Variants in DNAJC1 observed in about 807,000 individuals in gnomAD.
The protein encoded by DNAJC1 is DnaJ heat shock protein family (Hsp40) member C1, also known as dnaJ homolog subfamily C member 1.
DNAJC1 carries 58 observed loss-of-function variants against 76.6 expected under a neutral mutation model. That is an observed-to-expected ratio of 0.76 (90% CI 0.61 to 0.94). The LOEUF (loss-of-function observed/expected upper bound fraction) is 0.94, where lower values mean the gene tolerates loss of function less well. DNAJC1 is among the 40% of genes least tolerant of loss of function. The probability of loss-of-function intolerance (pLI) is 0.00; values close to 1 mark genes in which losing one functional copy is unlikely to be tolerated. For synonymous variants in DNAJC1, 258 were observed against 267.9 expected (o/e 0.96, Z 0.36); for missense variants, 689 against 677.3 (o/e 1.02, Z -0.19).
Position 21,928,507 on chromosome 10 carries a change from T to C in DNAJC1, c.370A>G (p.Arg124Gly). ...EVLKDDERRQ[R>G]YDDILINGLP... is the part of the protein sequence containing the mutation. Reference sequence around the variant, plus strand: ...TCAAAAGCAGAAATGAACACTCACCTCTGCCTTCGTTCATCATCCTTTAAA... The same window carrying C: ...TCAAAAGCAGAAATGAACACTCACCCCTGCCTTCGTTCATCATCCTTTAAA... The change falls in exon 3 of 12, where the codon AGG becomes GGG. Residue 124 changes from arginine to glycine, a missense_variant and splice_region_variant. Physicochemically the swap from Arg to Gly is moderately radical, Grantham distance 125 (BLOSUM62 -2). Coordinates refer to ENST00000376980, the MANE Select transcript of DNAJC1 (RefSeq NM_022365.4). 6.2e-7 allele frequency: 1 copy of C among 1,612,906 alleles called. No homozygotes were observed.
chr10:21,994,664 G>T (rs868162450), intron 1 of DNAJC1, among the ~76,000 whole-genome samples: 1 of 151,904 alleles, frequency 6.6e-6, no homozygotes, highest in African/African-American at 2.4e-5. Context: ...GGTGGCGGGC[G>T]CCTGTAGTCC....
rs80132054 is a variant in DNAJC1, at chr10:21,848,975, G to C, written c.978+33307C>G. ...AAAATGTATGAATACAGTGAAAGCA[G>C]TGTTTGAAGGTAATCTTATAATAGT... On this transcript the variant is annotated intron_variant, in intron 8 of 11. Transcript: ENST00000376980. 8.6e-3 allele frequency among the ~76,000 whole-genome samples: 1,316 copies of C among 152,244 alleles called. 19 individuals carry two copies. The highest frequency in any genetic ancestry group is 0.03 in the African/African-American group (1,242 of 41,546).
intron 7 of DNAJC1, among the ~76,000 whole-genome samples, chr10:21,887,396 T>A (rs950240975): frequency 2.0e-5 from 3 of 152,112 alleles, no homozygotes; most frequent in Non-Finnish European, 2.9e-5. Flanking sequence ...TATTTTAAAA[T>A]TCATATGAAA....
chr10:21,952,664 T>G (rs907726903), intron 1 of DNAJC1, among the ~76,000 whole-genome samples: 1 of 151,856 alleles, frequency 6.6e-6, no homozygotes, highest in East Asian at 1.9e-4. Flanking sequence ...TAGGCTGAGG[T>G]GGGAGAATCA....
intron 1 of DNAJC1, among the ~76,000 whole-genome samples, chr10:21,992,933 G>A (rs1227069306): frequency 6.6e-6 from 1 of 152,120 alleles, no homozygotes; most frequent in Admixed American, 6.5e-5. Context: ...AAGTAATCAA[G>A]TAAAGAATGC....
intron 9 of DNAJC1, among the ~76,000 whole-genome samples, chr10:21,770,399 T>A (rs544224176): frequency 6.9e-6 from 1 of 144,498 alleles, no homozygotes; most frequent in Non-Finnish European, 1.5e-5. Flanking sequence ...TTTCTTCTTT[T>A]TTTTTTTTTT....
intron 1 of DNAJC1, among the ~76,000 whole-genome samples, chr10:21,966,984 G>A (rs1391335315): frequency 2.0e-5 from 3 of 149,960 alleles, no homozygotes; most frequent in Non-Finnish European, 3.0e-5. Context: ...CACTGCACCC[G>A]GCCTTGCCCA....
intron 9 of DNAJC1, among the ~76,000 whole-genome samples, chr10:21,802,484 A>T (rs1467573173): frequency 6.6e-6 from 1 of 152,146 alleles, no homozygotes; most frequent in Admixed American, 6.6e-5. Flanking sequence ...AGCTATACAA[A>T]TGAATTGGGA....
In DNAJC1 at chr10:21,759,543, T is replaced by C. The variant is rs566581640; in HGVS notation, c.1223A>G (p.Asp408Gly). ...RPIKTATTLP[D>G]DMITQREDAE... ...GTCCTCTCGCTGGGTGATCATGTCA[T>C]CGGGCAAGGTGGTGGCCGTTTTGAT... Residue 408 changes from aspartate to glycine, a missense_variant, in exon 11 of 12, where the codon GAT (aspartate) becomes GGT (glycine). Physicochemically the swap from Asp to Gly is moderately conservative, Grantham distance 94. Transcript: ENST00000376980. The C allele has an allele frequency of 2.5e-6, 4 of 1,614,156 alleles. No individual in the cohort carries two copies. In the Admixed American group the frequency reaches 6.7e-5, roughly 27 times the overall value.
intron 1 of DNAJC1, among the ~76,000 whole-genome samples, chr10:21,981,307 T>C (rs530592957): frequency 5.3e-4 from 80 of 152,200 alleles, no homozygotes; most frequent in Non-Finnish European, 3.8e-4. Flanking sequence ...ATGATAATTC[T>C]ATCATTTACT....
rs1239700024 is a variant in DNAJC1 at position 21,759,463 on chromosome 10, T to A, written c.1303A>T (p.Thr435Ser). 2 of 1,614,128 alleles carry A rather than the reference T, an allele frequency of 1.2e-6. No individual in the cohort carries two copies. Among genetic ancestry groups the A allele is most frequent in the East Asian group, 4.5e-5 (2 of 44,878 alleles). ...CGAGGCCGGGCATCAGTGGCCCCGG[T>A]CTCCTGCTCACCGGAGTCTCCCTCC... ...EQEGDSGEQE[T>S]GATDARPRRR... The change falls in exon 11 of 12, where the codon ACC (threonine) becomes TCC (serine). Residue 435 changes from threonine (T) to serine (S), a missense_variant. By Grantham distance (58) the Thr-to-Ser change is moderately conservative. Transcript: ENST00000376980.
At chr10:21,807,935 A>T (rs750187636) in intron 8 of DNAJC1, among the ~76,000 whole-genome samples, 18 of 152,294 alleles carry the variant, frequency 1.2e-4, no homozygotes, top group Non-Finnish European at 2.5e-4. Context: ...TTCAGCTACA[A>T]TTTAGAGAAA....
At chr10:21,879,573 G>C (rs11012813) in intron 8 of DNAJC1, among the ~76,000 whole-genome samples, 3,644 of 152,084 alleles carry the variant, frequency 0.024, 71 homozygotes, top group Middle Eastern at 0.099. Context: ...GCAGTGAGCC[G>C]AGATCATGCC....
At chr10:21,845,999 C>T (rs1010486084) in intron 8 of DNAJC1, among the ~76,000 whole-genome samples, 3 of 152,108 alleles carry the variant, frequency 2.0e-5, no homozygotes, top group African/African-American at 7.2e-5. Context: ...AGTAGAATAT[C>T]CATAGTTGAA....
At chr10:21,773,291 G>C (rs1420264235) in intron 9 of DNAJC1, among the ~76,000 whole-genome samples, 1 of 152,136 alleles carries the variant, frequency 6.6e-6, no homozygotes, top group Non-Finnish European at 1.5e-5. Context: ...TCTAAGAAGT[G>C]TGCTAGCTGC....
intron 7 of DNAJC1, among the ~76,000 whole-genome samples, chr10:21,899,135 CA>C (rs1208005548): frequency 6.6e-6 from 1 of 152,184 alleles, no homozygotes; most frequent in African/African-American, 2.4e-5. Context: ...TGCAATCCAT[CA>C]ATCAGGAGAT....
At chr10:21,919,189 C>T (rs544175794) in intron 5 of DNAJC1, among the ~76,000 whole-genome samples, 15 of 151,958 alleles carry the variant, frequency 9.9e-5, no homozygotes, top group Non-Finnish European at 2.2e-4. Flanking sequence ...TTTTGTACAA[C>T]GAATTCTTAA....
At chr10:21,974,369 AG>A (rs1175593169) in intron 1 of DNAJC1, among the ~76,000 whole-genome samples, 2 of 152,190 alleles carry the variant, frequency 1.3e-5, no homozygotes, top group African/African-American at 4.8e-5. Flanking sequence ...TGCTATGTCT[AG>A]GAAGATTCAA....
chr10:21,912,716 C>T (rs772210073), intron 6 of DNAJC1, among the ~76,000 whole-genome samples: 35 of 152,166 alleles, frequency 2.3e-4, no homozygotes, highest in Admixed American at 7.9e-4. Flanking sequence ...GAAGGGCAGG[C>T]GACTCAGCTT....
Sources: gnomAD v4.1 joint callset for allele counts (sites outside exome capture counted in the v4.1 genomes callset) on GRCh38, gnomAD v4.1.1 for gene constraint, MANE v1.5 for transcripts, NCBI Gene and HGNC (gene_info 2026-07-23, HGNC 2026-07-21) for gene names.